Variants in NCKAP5 observed in about 807,000 individuals in gnomAD.
NCKAP5 encodes the protein NCK associated protein 5.
A neutral mutation model predicts 167.0 loss-of-function variants in NCKAP5; 92 were observed. The ratio of observed to expected loss-of-function variants is 0.55; its 90% CI spans 0.47 to 0.66. The LOEUF (loss-of-function observed/expected upper bound fraction) is 0.66. Among genes scored for constraint, NCKAP5 ranks in the 30% least tolerant of loss-of-function variants. NCKAP5 has a pLI of 0.00. For missense variants in NCKAP5, 2,378 were observed against 2,315.0 expected (o/e 1.03, Z -0.56); for synonymous variants, 891 against 877.4 (o/e 1.02, Z -0.27).
chr2:133,525,259 A>C (rs1041822032), intron 2 of NCKAP5, among the ~76,000 whole-genome samples: 1 of 152,210 alleles, frequency 6.6e-6, no homozygotes, highest in Admixed American at 6.5e-5. Flanking sequence ...AAGTGGAGGA[A>C]AATTCTGCAT....
intron 8 of NCKAP5, among the ~76,000 whole-genome samples, chr2:132,932,612 A>G (rs1696475585): frequency 6.6e-6 from 1 of 152,240 alleles, no homozygotes; most frequent in African/African-American, 2.4e-5. Context: ...GAAGGCAGAC[A>G]TCATGTAAAC....
chr2:132,767,305 G>T (rs1042676984), intron 16 of NCKAP5, among the ~76,000 whole-genome samples: 1 of 152,082 alleles, frequency 6.6e-6, no homozygotes, highest in African/African-American at 2.4e-5. Context: ...GGAGTGCAAT[G>T]GTGCAATCTC....
At chr2:133,666,329 C>G in the NCKAP5 span, among the ~76,000 whole-genome samples, 1 of 151,502 alleles carries the variant, frequency 6.6e-6, no homozygotes, top group African/African-American at 2.4e-5. Context: ...TCTCGAGTAT[C>G]TGGGATTACA....
intron 6 of NCKAP5, among the ~76,000 whole-genome samples, chr2:133,012,891 C>CCCA: frequency 6.6e-6 from 1 of 152,222 alleles, no homozygotes. Context: ...CAACATGGGC[C>CCCA]CCACCAGCAC....
chr2:133,155,871 A>G (rs2083558955), intron 5 of NCKAP5, among the ~76,000 whole-genome samples: 1 of 152,336 alleles, frequency 6.6e-6, no homozygotes, highest in African/African-American at 2.4e-5. Flanking sequence ...CTCTGCAATC[A>G]TGTGAGCCAA....
At chr2:133,005,868 C>A (rs1416004549) in intron 6 of NCKAP5, among the ~76,000 whole-genome samples, 1 of 152,128 alleles carries the variant, frequency 6.6e-6, no homozygotes, top group African/African-American at 2.4e-5. Flanking sequence ...AATGTAATAA[C>A]AACCTGGAGC....
intron 8 of NCKAP5, chr2:132,930,936 T>C (rs1398303820): frequency 6.6e-6 from 1 of 152,174 alleles, no homozygotes; most frequent in Admixed American, 6.5e-5. Context: ...TCTCCCTCTA[T>C]ACTCTGAGGC....
In NCKAP5 at chr2:132,736,281, T is replaced by C. The variant is rs146164353; in HGVS notation, c.5129-4230A>G. 3.4e-3 allele frequency among the ~76,000 whole-genome samples: 525 copies of C among 152,348 alleles called. 3 individuals carry two copies. The highest frequency in any genetic ancestry group is 0.01 in the African/African-American group (419 of 41,570). On this transcript the variant is annotated intron_variant, in intron 16 of 19. Transcript: ENST00000409261. ...GCTGACACCATCTTTATGTAGTTTC[T>C]TTAAGGCACAATTAGTTTCTTGCAG...
intron 19 of NCKAP5, 135 bp from the exon 20 acceptor site, chr2:132,673,440 C>T (rs1268559436): frequency 1.5e-6 from 1 of 660,558 alleles, no homozygotes; most frequent in Admixed American, 4.2e-5. Context: ...TAATAATCTT[C>T]TAGTATAATT....
intron 6 of NCKAP5, among the ~76,000 whole-genome samples, chr2:133,046,784 T>G (rs2079415949): frequency 1.3e-5 from 2 of 152,120 alleles, no homozygotes; most frequent in Non-Finnish European, 2.9e-5. Flanking sequence ...ACGTAGATGA[T>G]TTTAGAAAAA....
At chr2:133,236,441 G>A (rs1175271222) in intron 4 of NCKAP5, among the ~76,000 whole-genome samples, 1 of 152,134 alleles carries the variant, frequency 6.6e-6, no homozygotes, top group Non-Finnish European at 1.5e-5. Flanking sequence ...TTAATGACCT[G>A]TGAAGTGACC....
At chr2:132,988,140 C>T (rs1676585013) in intron 7 of NCKAP5, among the ~76,000 whole-genome samples, 2 of 152,180 alleles carry the variant, frequency 1.3e-5, no homozygotes, top group South Asian at 4.1e-4. Context: ...AGAGGAAACC[C>T]TTGAAGTTAT....
intron 3 of NCKAP5, among the ~76,000 whole-genome samples, chr2:133,459,500 C>T (rs977329688): frequency 3.9e-5 from 6 of 152,172 alleles, no homozygotes; most frequent in African/African-American, 9.6e-5. Context: ...CAAAGGTAGA[C>T]GTTCGGTGTT....
intron 16 of NCKAP5, among the ~76,000 whole-genome samples, chr2:132,758,994 TAA>T (rs1680783852): frequency 6.6e-6 from 1 of 152,228 alleles, no homozygotes; most frequent in South Asian, 2.1e-4. Flanking sequence ...TACCCGTTGA[TAA>T]AGTAACTATC....
chr2:133,263,134 T>C (rs186754382), intron 4 of NCKAP5, among the ~76,000 whole-genome samples: 44 of 151,990 alleles, frequency 2.9e-4, no homozygotes, highest in African/African-American at 1.0e-3. Context: ...TAGATCTACA[T>C]TGTTTGCATT....
intron 4 of NCKAP5, among the ~76,000 whole-genome samples, chr2:133,230,047 C>A (rs1193665985): frequency 6.6e-6 from 1 of 152,152 alleles, no homozygotes; most frequent in Non-Finnish European, 1.5e-5. Context: ...CTTGGCATCT[C>A]ACTTGTTTTG....
intron 5 of NCKAP5, among the ~76,000 whole-genome samples, chr2:133,187,381 C>G (rs542856300): frequency 6.6e-6 from 1 of 151,902 alleles, no homozygotes; most frequent in Non-Finnish European, 1.5e-5. Flanking sequence ...AAAGACAATG[C>G]CATTTATAAT....
At chr2:132,738,538 T>C (rs954500054) in intron 16 of NCKAP5, among the ~76,000 whole-genome samples, 2 of 152,214 alleles carry the variant, frequency 1.3e-5, no homozygotes, top group Admixed American at 6.5e-5. Context: ...AGATTACTCA[T>C]TATATGAACT....
In NCKAP5 at chr2:132,685,702, G is replaced by T. The variant is rs575376736; in HGVS notation, c.5714-12397C>A. 4.6e-5 allele frequency among the ~76,000 whole-genome samples: 7 copies of T among 152,278 alleles called. 1 individual carries two copies. The South Asian group carries it at 1.5e-3, about 32-fold the overall frequency. On this transcript the variant is annotated intron_variant, in intron 19 of 19. Coordinates refer to ENST00000409261, the MANE Select transcript of NCKAP5 (RefSeq NM_207363.3). Reference sequence around the variant, plus strand: ...GGCAGCAAATACTCAGGTGGCAAAAGAAGCTTTCTGTCTGTTTTTCTCCCC... The same window carrying T: ...GGCAGCAAATACTCAGGTGGCAAAATAAGCTTTCTGTCTGTTTTTCTCCCC...
Sources: gnomAD v4.1 joint callset for allele counts (sites outside exome capture counted in the v4.1 genomes callset) on GRCh38, gnomAD v4.1.1 for gene constraint, MANE v1.5 for transcripts, NCBI Gene and HGNC (gene_info 2026-07-23, HGNC 2026-07-21) for gene names.